Variants in VTI1A observed in about 807,000 individuals in gnomAD.
VTI1A encodes the protein vesicle transport through interaction with t-SNAREs homolog 1A.
In VTI1A, 22 loss-of-function variants were observed where a neutral mutation model predicts 34.9. The observed-to-expected ratio is 0.63, with a 90% confidence interval of 0.45 to 0.90. The LOEUF (loss-of-function observed/expected upper bound fraction) is 0.90, where lower values mean the gene tolerates loss of function less well. Among genes scored for constraint, VTI1A ranks in the 40% least tolerant of loss-of-function variants. The probability of loss-of-function intolerance (pLI) is 0.00; values close to 1 mark genes in which losing one functional copy is unlikely to be tolerated. For missense variants in VTI1A, 268 were observed against 275.6 expected, an observed-to-expected ratio of 0.97 and a Z score of 0.20; for synonymous variants, 87 against 97.3, an observed-to-expected ratio of 0.89 and a Z score of 0.62.
chr10:112,678,835 C>G (rs1214504961), intron 7 of VTI1A, among the ~76,000 whole-genome samples: 1 of 152,170 alleles, frequency 6.6e-6, no homozygotes, highest in Non-Finnish European at 1.5e-5. Flanking sequence ...CAAGGCTTAT[C>G]TGCACAAACA....
intron 7 of VTI1A, among the ~76,000 whole-genome samples, chr10:112,742,667 G>T (rs569016070): frequency 8.5e-5 from 13 of 152,122 alleles, no homozygotes; most frequent in Non-Finnish European, 1.5e-4. Context: ...CCTTTGGTTG[G>T]TATTTCTTTA....
chr10:112,771,398 C>T (rs1851812279), intron 7 of VTI1A, among the ~76,000 whole-genome samples: 2 of 152,186 alleles, frequency 1.3e-5, no homozygotes, highest in African/African-American at 2.4e-5. Flanking sequence ...TGAGCAGCAC[C>T]CCTGCCCACA....
intron 7 of VTI1A, among the ~76,000 whole-genome samples, chr10:112,704,836 G>A (rs901678489): frequency 6.6e-6 from 1 of 151,828 alleles, no homozygotes; most frequent in African/African-American, 2.4e-5. Context: ...AGATGATGGT[G>A]TTATGGATAC....
At chr10:112,447,149 T>C, upstream of VTI1A, 1 of 530,428 alleles carries the variant, frequency 1.9e-6, no homozygotes, top group Non-Finnish European at 3.4e-6. Flanking sequence ...AACTTACTTA[T>C]CTTAAAGTCG....
intron 2 of VTI1A, among the ~76,000 whole-genome samples, chr10:112,461,649 A>G (rs1464843691): frequency 6.6e-6 from 1 of 152,208 alleles, no homozygotes; most frequent in Non-Finnish European, 1.5e-5. Flanking sequence ...TGGGGTTTTA[A>G]AAGCTAACTA....
At chr10:112,715,091 T>A (rs547915570) in intron 7 of VTI1A, among the ~76,000 whole-genome samples, 296 of 152,288 alleles carry the variant, frequency 1.9e-3, no homozygotes, top group African/African-American at 6.9e-3. Context: ...TCATTTTTTT[T>A]AATATTTGGG....
At chr10:112,457,379 A>G (rs998302157) in intron 1 of VTI1A, among the ~76,000 whole-genome samples, 1 of 152,234 alleles carries the variant, frequency 6.6e-6, no homozygotes, top group East Asian at 1.9e-4. Flanking sequence ...GTGTAGGACT[A>G]TAAAGATGAC....
intron 3 of VTI1A, among the ~76,000 whole-genome samples, chr10:112,515,343 A>G (rs910856743): frequency 6.6e-6 from 1 of 151,908 alleles, no homozygotes; most frequent in Non-Finnish European, 1.5e-5. Context: ...ATGAGTAGAC[A>G]TATTATTTTC....
intron 7 of VTI1A, chr10:112,737,085 T>A (rs1850511861): frequency 2.7e-6 from 1 of 366,378 alleles, no homozygotes; most frequent in Non-Finnish European, 5.0e-6. Context: ...TTTCTTTTTT[T>A]TTTTGAGACA....
intron 5 of VTI1A, among the ~76,000 whole-genome samples, chr10:112,641,806 C>T (rs1846585275): frequency 6.6e-6 from 1 of 152,162 alleles, no homozygotes; most frequent in South Asian, 2.1e-4. Context: ...GGCCCCATAT[C>T]AATCCGTTGT....
chr10:112,490,425 CT>C (rs1013893270), intron 3 of VTI1A, among the ~76,000 whole-genome samples: 85 of 152,238 alleles, frequency 5.6e-4, no homozygotes, highest in African/African-American at 2.0e-3. Context: ...TGTATTTTTA[CT>C]AAAGAGTTTT....
At chr10:112,769,320 TC>T (rs1194846465) in intron 7 of VTI1A, among the ~76,000 whole-genome samples, 8 of 152,206 alleles carry the variant, frequency 5.3e-5, no homozygotes, top group South Asian at 2.1e-4. Flanking sequence ...AGTGAGCCCT[TC>T]CTGTATGTGG....
chr10:112,723,599 G>A (rs938701884), intron 7 of VTI1A, among the ~76,000 whole-genome samples: 1 of 152,136 alleles, frequency 6.6e-6, no homozygotes, highest in Non-Finnish European at 1.5e-5. Context: ...ATTTCAGATG[G>A]CCCACCCTGC....
At chr10:112,810,393 C>T (rs1853241414) in intron 7 of VTI1A, among the ~76,000 whole-genome samples, 1 of 144,688 alleles carries the variant, frequency 6.9e-6, no homozygotes, top group South Asian at 2.2e-4. Context: ...CAGAGAATGA[C>T]TCCATCTCAA....
At chr10:112,784,407 G>A (rs1165043899) in intron 7 of VTI1A, among the ~76,000 whole-genome samples, 1 of 152,194 alleles carries the variant, frequency 6.6e-6, no homozygotes, top group Admixed American at 6.5e-5. Flanking sequence ...TCAGTGTTCT[G>A]AAGTGCTGTT....
intron 7 of VTI1A, among the ~76,000 whole-genome samples, chr10:112,798,783 G>C (rs193068706): frequency 2.1e-4 from 32 of 152,162 alleles, no homozygotes; most frequent in Non-Finnish European, 3.8e-4. Context: ...ATTGTAAGTA[G>C]AGGCAACCCT....
intron 1 of VTI1A, chr10:112,450,424 C>T (rs1183506623): frequency 6.6e-6 from 1 of 152,122 alleles, no homozygotes; most frequent in East Asian, 1.9e-4. Context: ...TTGGCGAGTG[C>T]AGTGTTGAGC....
At chr10:112,592,708 TA>T (rs1027387816) in intron 5 of VTI1A, among the ~76,000 whole-genome samples, 2 of 152,162 alleles carry the variant, frequency 1.3e-5, no homozygotes, top group African/African-American at 4.8e-5. Context: ...TCAGAGAACC[TA>T]AAAAAATGGT....
chr10:112,603,421 CT>C (rs939490749), intron 5 of VTI1A, among the ~76,000 whole-genome samples: 4 of 151,740 alleles, frequency 2.6e-5, no homozygotes, highest in East Asian at 1.9e-4. Context: ...CATTCATTGC[CT>C]TTTTTTTCCT....
Sources: allele counts gnomAD v4.1 joint callset (sites outside exome capture counted in the v4.1 genomes callset), GRCh38; gene constraint gnomAD v4.1.1; transcripts MANE v1.5; gene names NCBI Gene and HGNC (gene_info 2026-07-23, HGNC 2026-07-21).